WDR76: variants seen among roughly 807,000 people sequenced by gnomAD.
WDR76 encodes WD repeat-containing protein 76.
In WDR76, 52 loss-of-function variants were observed where a neutral mutation model predicts 70.2. The observed-to-expected ratio is 0.74, with a 90% CI of 0.59 to 0.93. The LOEUF is 0.93. WDR76 is among the 40% of genes least tolerant of loss of function. The pLI is 0.00. For synonymous variants in WDR76, 292 were observed against 271.1 expected (o/e 1.08, Z -0.76); for missense variants, 756 against 760.2 (o/e 0.99, Z 0.07).
In WDR76 at chr15:43,851,163, C is replaced by A; in HGVS notation, c.1109C>A (p.Pro370His). Residue 370 changes from proline to histidine, a missense_variant, in exon 9 of 13, where the codon CCC becomes CAC. Coordinates refer to ENST00000263795, the MANE Select transcript of WDR76 (RefSeq NM_024908.4). ...CCAGTTAGCTGTCTTTACTTCTCAC[C>A]CGCCAATCCGGCCCACATACTGTCA... ...SQPVSCLYFS[P>H]ANPAHILSLS... 6.2e-7 allele frequency: 1 copy of A among 1,614,170 alleles called. No homozygotes were observed. The highest frequency in any genetic ancestry group is 8.5e-7 in the Non-Finnish European group (1 of 1,180,026).
Position 43,835,170 on chromosome 15 carries a change from A to G in WDR76, c.552+20A>G. 5 of 1,611,766 alleles carry G rather than the reference A, an allele frequency of 3.1e-6. No individual in the cohort carries two copies. Among genetic ancestry groups the G allele is most frequent in the Middle Eastern group, 3.3e-4 (2 of 6,056 alleles). The stretch of plus-strand genomic sequence containing the variant: ...TCTGAGGTTTGTGTGGAGTCTATTT[A>G]AAAGCAAGATGCAGGGCCGGGAACA... On this transcript the variant is annotated intron_variant, in intron 3 of 12. Transcript: ENST00000263795.
intron 10 of WDR76, chr15:43,857,367 A>T (rs1453347976): frequency 1.3e-6 from 1 of 780,710 alleles, no homozygotes; most frequent in African/African-American, 1.9e-5. Context: ...GATTTGATAA[A>T]TAGTGAAAAA....
At chr15:43,836,606 A>G (rs963828230) in intron 4 of WDR76, among the ~76,000 whole-genome samples, 1 of 152,216 alleles carries the variant, frequency 6.6e-6, no homozygotes, top group African/African-American at 2.4e-5. Context: ...AGGAATTAAC[A>G]TTTATTGAAT....
intron 8 of WDR76, among the ~76,000 whole-genome samples, chr15:43,849,835 G>A (rs570745858): frequency 4.6e-5 from 7 of 152,116 alleles, no homozygotes; most frequent in Non-Finnish European, 8.8e-5. Flanking sequence ...CGCCTGGCCT[G>A]GAGTGATTTT....
At chr15:43,837,057 CAA>C (rs939046687) in intron 4 of WDR76, among the ~76,000 whole-genome samples, 3 of 140,306 alleles carry the variant, frequency 2.1e-5, no homozygotes, top group African/African-American at 7.8e-5. Context: ...AAAAAAAAAA[CAA>C]AAAAAAACAA....
In WDR76 at chr15:43,866,820, G is replaced by C. The variant is rs1401617138; in HGVS notation, c.*428G>C. 1 of 162,698 alleles carries C rather than the reference G, an allele frequency of 6.1e-6. No homozygotes were observed. Among genetic ancestry groups the C allele is most frequent in the Non-Finnish European group, 1.4e-5 (1 of 73,950 alleles). The allele number at this position is 162,698 out of a possible 1,614,324, so 10.1% of individuals were successfully genotyped here. ...TTTTTGTATTTTTAGTAGAGATGGG[G>C]TTTCATCATGTTGGCCAGGCTGGTC... On this transcript the variant is annotated 3_prime_UTR_variant, in exon 13 of 13. Transcript: ENST00000263795.
At chr15:43,850,016 T>C (rs1188806382) in intron 8 of WDR76, among the ~76,000 whole-genome samples, 1 of 152,072 alleles carries the variant, frequency 6.6e-6, no homozygotes, top group Non-Finnish European at 1.5e-5. Flanking sequence ...ATTTTTTCTT[T>C]TAAAGAATAC....
At chr15:43,865,948 C>T (rs1030289414) in intron 12 of WDR76, among the ~76,000 whole-genome samples, 180 bp from the exon 13 acceptor site, 1 of 152,194 alleles carries the variant, frequency 6.6e-6, no homozygotes, top group Non-Finnish European at 1.5e-5. Flanking sequence ...AGGATATCGT[C>T]TCTGTCCAGA....
At chr15:43,866,006 T>C in intron 12 of WDR76, 122 bp from the exon 13 acceptor site, 1 of 1,224,434 alleles carries the variant, frequency 8.2e-7, no homozygotes, top group Non-Finnish European at 1.1e-6. Context: ...ACTCAGTAAC[T>C]TAATGAGAAG....
chr15:43,860,167 C>A (rs1463012081), intron 11 of WDR76, among the ~76,000 whole-genome samples: 1 of 152,154 alleles, frequency 6.6e-6, no homozygotes, highest in Non-Finnish European at 1.5e-5. Context: ...ATCACTTGAG[C>A]CTAGGAGGTT....
At chr15:43,862,276 C>CTTTTTTTTTT in intron 12 of WDR76, among the ~76,000 whole-genome samples, 1 of 42,168 alleles carries the variant, frequency 2.4e-5, no homozygotes, top group Non-Finnish European at 4.7e-5. Flanking sequence ...TTATCAGTTT[C>CTTTTTTTTTT]TTTTTTTTTT....
intron 12 of WDR76, among the ~76,000 whole-genome samples, chr15:43,861,726 T>C (rs1389515813): frequency 2.6e-5 from 4 of 152,090 alleles, no homozygotes; most frequent in African/African-American, 7.2e-5. Flanking sequence ...TGTCTGAAGG[T>C]CTGTTTATTT....
intron 9 of WDR76, among the ~76,000 whole-genome samples, chr15:43,854,768 G>A (rs965065241): frequency 2.0e-5 from 3 of 151,822 alleles, no homozygotes; most frequent in East Asian, 3.9e-4. Flanking sequence ...GGCCAACATG[G>A]TGAAACCCCA....
At chr15:43,859,960 CCT>C (rs2087975867) in intron 11 of WDR76, among the ~76,000 whole-genome samples, 1 of 152,182 alleles carries the variant, frequency 6.6e-6, no homozygotes, top group Admixed American at 6.5e-5. Context: ...TATAAAAATT[CCT>C]CTCTTTGGCC....
rs745542131 is a variant in WDR76, at chr15:43,839,698, A to G, written c.702A>G (p.Pro234=). ...CGGGAGTTTCATTACCAGCAGCTCC[A>G]ACACCGCCGACATTAGTAGCAGATG... ...DPSGVSLPAA[P]TPPTLVADET... Residue 234 remains proline, a synonymous_variant, in exon 5 of 13, where the codon CCA becomes CCG. Transcript: ENST00000263795. 9.9e-6 allele frequency: 16 copies of G among 1,611,142 alleles called. No homozygotes were observed. The highest frequency in any genetic ancestry group is 1.4e-5 in the Non-Finnish European group (16 of 1,178,166).
At chr15:43,853,926 CAAAA>C (rs1001857402) in intron 9 of WDR76, among the ~76,000 whole-genome samples, 5 of 148,368 alleles carry the variant, frequency 3.4e-5, no homozygotes, top group Admixed American at 1.3e-4. Context: ...CAAAAAAAAA[CAAAA>C]AAACCCCACA....
At position 43,843,013 on chromosome 15, in the gene WDR76, C is replaced by CTTTTTTTTTTTT. The variant is rs370773260; in HGVS notation, c.878+352_878+363dup. On this transcript the variant is annotated intron_variant, in intron 7 of 12. Transcript: ENST00000263795. Reference sequence around the variant, plus strand: ...TTTTGCATTACACTTTTTTCTTTTTCTTTTTTTTTTTTTTTTTTTTTGTTT... The same window carrying CTTTTTTTTTTTT: ...TTTTGCATTACACTTTTTTCTTTTTCTTTTTTTTTTTTTTTTTTTTTTTTTTTTTTTTTGTTT... 3.0e-3 allele frequency among the ~76,000 whole-genome samples: 361 copies of CTTTTTTTTTTTT among 119,930 alleles called. 8 individuals carry two copies. Among genetic ancestry groups the CTTTTTTTTTTTT allele is most frequent in the Middle Eastern group, 0.022 (3 of 136 alleles). 78.7% of individuals were successfully genotyped at this position (119,930 alleles called of 152,430 possible).
At chr15:43,859,036 G>A (rs1193781257) in intron 11 of WDR76, among the ~76,000 whole-genome samples, 1 of 152,174 alleles carries the variant, frequency 6.6e-6, no homozygotes, top group African/African-American at 2.4e-5. Flanking sequence ...ACTGGCAAAG[G>A]TCCGTAGGTA....
At position 43,851,247 on chromosome 15, in the gene WDR76, T is replaced by TA; in HGVS notation, c.1191+5dup. On this transcript the variant is annotated splice_region_variant and intron_variant, in intron 9 of 12. Coordinates refer to ENST00000263795, the MANE Select transcript of WDR76 (RefSeq NM_024908.4). ...TTTTCCAGGGCTATTTTTGAAGAGG[T>TA]AAATGTTAATGTGTTTACATGCTGA... 6.2e-7 allele frequency: 1 copy of TA among 1,613,930 alleles called. No homozygotes were observed. The highest frequency in any genetic ancestry group is 8.5e-7 in the Non-Finnish European group (1 of 1,179,960).
Sources: allele counts gnomAD v4.1 joint callset (sites outside exome capture counted in the v4.1 genomes callset), GRCh38; gene constraint gnomAD v4.1.1; transcripts MANE v1.5; gene names NCBI Gene and HGNC (gene_info 2026-07-23, HGNC 2026-07-21).